Variants in SNRNP48 observed in about 807,000 individuals in gnomAD.
SNRNP48 encodes U11/U12 small nuclear ribonucleoprotein 48 kDa protein.
SNRNP48 carries 43 observed loss-of-function variants against 47.0 expected under a neutral mutation model. The ratio of observed to expected loss-of-function variants is 0.92; its 90% confidence interval spans 0.72 to 1.18. SNRNP48 has a LOEUF of 1.18. Among genes scored for constraint, SNRNP48 ranks in the 50% most tolerant of loss-of-function variants. The pLI is 0.00. For synonymous variants in SNRNP48, 138 were observed against 144.0 expected (o/e 0.96, Z 0.30); for missense variants, 396 against 422.2 (o/e 0.94, Z 0.54).
In SNRNP48 at chr6:7,609,830, A is replaced by T. The variant is rs766540129; in HGVS notation, c.*957A>T. 3 of 152,084 alleles carry T rather than the reference A, an allele frequency of 2.0e-5. No homozygotes were observed. Among genetic ancestry groups the T allele is most frequent in the Non-Finnish European group, 4.4e-5 (3 of 68,020 alleles). The allele number at this position is 152,084 out of a possible 1,614,324, so 9.4% of individuals were successfully genotyped here. A position where few individuals can be genotyped will look rare whatever the true frequency, so the allele number is the denominator to read the frequency against. On this transcript the variant is annotated 3_prime_UTR_variant, in exon 9 of 9. Coordinates refer to ENST00000342415, the MANE Select transcript of SNRNP48 (RefSeq NM_152551.4). ...TGTGTATTTTATTGGGTTTTGACAG[A>T]TTCATACCTCTGTGCAGCCACTATC...
intron 8 of SNRNP48, among the ~76,000 whole-genome samples, chr6:7,606,430 T>C (rs767210401): frequency 6.6e-6 from 1 of 152,198 alleles, no homozygotes; most frequent in Admixed American, 6.5e-5. Context: ...TTTTTATCTC[T>C]TACTTGCTTG....
intron 1 of SNRNP48, 39 bp downstream of exon 1, chr6:7,590,452 G>C (rs1212130034): frequency 1.6e-6 from 2 of 1,271,062 alleles, no homozygotes; most frequent in Non-Finnish European, 2.0e-6. Flanking sequence ...GGGGACTATC[G>C]GCCCGGGGTC....
rs1410546550 is a variant in SNRNP48, at chr6:7,609,972, T to C, written c.*1099T>C. On this transcript the variant is annotated 3_prime_UTR_variant, in exon 9 of 9. Coordinates refer to ENST00000342415, the MANE Select transcript of SNRNP48 (RefSeq NM_152551.4). ...GATTTGCTTTTGGTTACCGATTAGA[T>C]CTATCCATTGTAGAATTCATGTAAA... The C allele has an allele frequency of 6.6e-6, 1 of 152,200 alleles. No individual in the cohort carries two copies. The highest frequency in any genetic ancestry group is 6.5e-5 in the Admixed American group (1 of 15,276). 9.4% of individuals were successfully genotyped at this position (152,200 alleles called of 1,614,324 possible).
chr6:7,598,635 G>C (rs1307459751), intron 4 of SNRNP48, among the ~76,000 whole-genome samples: 16 of 151,952 alleles, frequency 1.1e-4, no homozygotes, highest in African/African-American at 3.9e-4. Context: ...ATATCTTATT[G>C]ATGTATTTAC....
At chr6:7,603,174 A>G (rs924959801) in intron 6 of SNRNP48, among the ~76,000 whole-genome samples, 2 of 152,198 alleles carry the variant, frequency 1.3e-5, no homozygotes, top group African/African-American at 4.8e-5. Flanking sequence ...GACAGAATGT[A>G]TGCAAACACA....
rs79389603 is a variant in SNRNP48 at position 7,606,262 on chromosome 6, G to A, written c.971+67G>A. 1.0e-3 allele frequency: 1,440 copies of A among 1,425,414 alleles called. 11 individuals carry two copies. In the African/African-American group the frequency reaches 0.019, roughly 19 times the overall value. The allele number at this position is 1,425,414 out of a possible 1,614,324, so 88.3% of individuals were successfully genotyped here. A position where few individuals can be genotyped will look rare whatever the true frequency, so the allele number is the denominator to read the frequency against. On this transcript the variant is annotated intron_variant, in intron 8 of 8. Coordinates refer to ENST00000342415, the MANE Select transcript of SNRNP48 (RefSeq NM_152551.4). ...TTTTAAAAATAGAACAGGTTCTTCTGTTGTAGACCATGCTGAGAAAATAGA... is the reference window on the plus strand; with the variant it reads ...TTTTAAAAATAGAACAGGTTCTTCTATTGTAGACCATGCTGAGAAAATAGA...
Position 7,602,690 on chromosome 6 carries a change from A to G in SNRNP48, c.663A>G (p.Arg221=). The G allele has an allele frequency of 6.2e-7, 1 of 1,606,248 alleles. No individual in the cohort carries two copies. Among genetic ancestry groups the G allele is most frequent in the Non-Finnish European group, 8.5e-7 (1 of 1,176,802 alleles). The change falls in exon 6 of 9, where the codon AGA becomes AGG. Residue 221 remains arginine (R), a synonymous_variant. Coordinates refer to ENST00000342415, the MANE Select transcript of SNRNP48 (RefSeq NM_152551.4). ...CAGAAGTACGAGATTATAAAAGAAG[A>G]CGCCAGTCCTATAGAGCCAAGAATG... is the stretch of plus-strand genomic sequence containing the variant. ...ILAEVRDYKR[R]RQSYRAKNVH... is the part of the protein sequence containing the mutation.
chr6:7,590,467 C>G (rs1249332160), intron 1 of SNRNP48, 54 bp downstream of exon 1: 1 of 1,261,146 alleles, frequency 7.9e-7, no homozygotes, highest in Admixed American at 4.2e-5. Context: ...GGGGTCTTCT[C>G]TGGAAGAAGG....
intron 1 of SNRNP48, 113 bp downstream of exon 1, chr6:7,590,526 G>T: frequency 8.6e-7 from 1 of 1,165,762 alleles, no homozygotes; most frequent in Non-Finnish European, 1.1e-6. Flanking sequence ...GTCCTCGTCC[G>T]TGTGCAGAGC....
At chr6:7,605,748 C>T (rs1229278883) in intron 7 of SNRNP48, among the ~76,000 whole-genome samples, 1 of 152,100 alleles carries the variant, frequency 6.6e-6, no homozygotes, top group East Asian at 1.9e-4. Context: ...GCCTAGTATT[C>T]CATTATGGGA....
In SNRNP48 at chr6:7,605,899, G is replaced by C. The variant is rs1223623453; in HGVS notation, c.807-132G>C. On this transcript the variant is annotated intron_variant, in intron 7 of 8. Coordinates refer to ENST00000342415, the MANE Select transcript of SNRNP48 (RefSeq NM_152551.4). ...ATTTGTCCTTTTATATGGGTTATAA[G>C]ATTGTGCATATTTAGACCATATCTA... 18 of 976,934 alleles carry C rather than the reference G, an allele frequency of 1.8e-5. No homozygotes were observed. In the South Asian group the frequency reaches 2.1e-4, roughly 11 times the overall value. The allele number at this position is 976,934 out of a possible 1,614,324, so 60.5% of individuals were successfully genotyped here.
At chr6:7,606,463 A>G (rs1760130350) in intron 8 of SNRNP48, among the ~76,000 whole-genome samples, 1 of 152,192 alleles carries the variant, frequency 6.6e-6, no homozygotes, top group African/African-American at 2.4e-5. Context: ...GACATATGAA[A>G]GTATTGTCTA....
rs563209962 is a variant in SNRNP48, at chr6:7,591,388, G to T, written c.156+975G>T. On this transcript the variant is annotated intron_variant, in intron 1 of 8. Transcript: ENST00000342415. Reference sequence around the variant, plus strand: ...ATGAGAGGAAGGGAAGTGCTCCAATGTGGGGTAATTCATTATCTTTACTAT... The same window carrying T: ...ATGAGAGGAAGGGAAGTGCTCCAATTTGGGGTAATTCATTATCTTTACTAT... 4.0e-4 allele frequency among the ~76,000 whole-genome samples: 61 copies of T among 152,300 alleles called. 2 individuals carry two copies. The East Asian group carries it at 8.9e-3, about 22-fold the overall frequency.
Position 7,601,543 on chromosome 6 carries a change from G to T in SNRNP48, c.595+19G>T. 1.3e-6 allele frequency: 2 copies of T among 1,535,936 alleles called. No individual in the cohort carries two copies. The highest frequency in any genetic ancestry group is 1.7e-6 in the Non-Finnish European group (2 of 1,148,658). On this transcript the variant is annotated intron_variant, in intron 5 of 8. Coordinates refer to ENST00000342415, the MANE Select transcript of SNRNP48 (RefSeq NM_152551.4). The stretch of plus-strand genomic sequence containing the variant: ...AATCAAGGTTTGAGATGCACATCAT[G>T]GCTTTACATTTCTTCATTATCATTT...
chr6:7,593,570 G>A (rs1296471322), intron 1 of SNRNP48, among the ~76,000 whole-genome samples, 164 bp from the exon 2 acceptor site: 2 of 151,958 alleles, frequency 1.3e-5, no homozygotes, highest in Non-Finnish European at 2.9e-5. Context: ...GGTTGAAGGA[G>A]TTTTATTTTT....
intron 8 of SNRNP48, among the ~76,000 whole-genome samples, chr6:7,607,482 C>T (rs144344492): frequency 6.8e-4 from 104 of 152,324 alleles, no homozygotes; most frequent in African/African-American, 2.4e-3. Flanking sequence ...CTCATCCACA[C>T]TGTGCCACAT....
chr6:7,608,696 C>G, intron 8 of SNRNP48, 129 bp from the exon 9 acceptor site: 1 of 393,854 alleles, frequency 2.5e-6, no homozygotes, highest in Admixed American at 4.8e-5. Context: ...CCAGAAAATT[C>G]TTTTCAAATA....
rs1760021852 is a variant in SNRNP48, at chr6:7,601,508, T to C, written c.579T>C (p.Ala193=). 1 of 1,576,750 alleles carries C rather than the reference T, an allele frequency of 6.3e-7. No homozygotes were observed. Among genetic ancestry groups the C allele is most frequent in the South Asian group, 1.2e-5 (1 of 84,468 alleles). The change falls in exon 5 of 9, where the codon GCT becomes GCC. Residue 193 remains alanine (A), a synonymous_variant. Coordinates refer to ENST00000342415, the MANE Select transcript of SNRNP48 (RefSeq NM_152551.4). ...ENDSDLFVDL[A]AKINQDNSRK... Reference sequence around the variant, plus strand: ...ACAGCGATCTCTTTGTAGACTTGGCTGCCAAAATCAATCAAGGTTTGAGAT... The same window carrying C: ...ACAGCGATCTCTTTGTAGACTTGGCCGCCAAAATCAATCAAGGTTTGAGAT...
rs74824018 is a variant in SNRNP48, at chr6:7,599,250, C to T, written c.407-2086C>T. ...ATGTTGAATGTTATATGTTTAAGATCCCCTTTGATGACAAAAGTAACAAGA... is the reference window on the plus strand; with the variant it reads ...ATGTTGAATGTTATATGTTTAAGATTCCCTTTGATGACAAAAGTAACAAGA... On this transcript the variant is annotated intron_variant, in intron 4 of 8. Transcript: ENST00000342415. Among the ~76,000 whole-genome samples, 18 of 152,224 alleles carry T rather than the reference C, an allele frequency of 1.2e-4. No individual in the cohort carries two copies. The East Asian group carries it at 2.1e-3, about 18-fold the overall frequency.
Sources: allele counts gnomAD v4.1 joint callset (sites outside exome capture counted in the v4.1 genomes callset), GRCh38; gene constraint gnomAD v4.1.1; transcripts MANE v1.5; gene names NCBI Gene and HGNC (gene_info 2026-07-23, HGNC 2026-07-21).